NAV2: variants seen among roughly 807,000 people sequenced by gnomAD.
The protein encoded by NAV2 is neuron navigator 2.
A neutral mutation model predicts 223.2 loss-of-function variants in NAV2; 54 were observed. The ratio of observed to expected loss-of-function variants is 0.24; its 90% CI spans 0.19 to 0.30. The LOEUF (loss-of-function observed/expected upper bound fraction) is 0.30, where lower values mean the gene tolerates loss of function less well. Among genes scored for constraint, NAV2 ranks in the 10% least tolerant of loss-of-function variants. NAV2 has a pLI of 1.00. For synonymous variants in NAV2, 1,279 were observed against 1,239.3 expected, an observed-to-expected ratio of 1.03 and a Z score of -0.67; for missense variants, 2,806 against 3,147.5, an observed-to-expected ratio of 0.89 and a Z score of 2.60.
At chr11:19,928,833 G>T (rs577187365) in intron 6 of NAV2, among the ~76,000 whole-genome samples, 1 of 152,154 alleles carries the variant, frequency 6.6e-6, no homozygotes, top group Admixed American at 6.5e-5. Context: ...CTAGGATCAC[G>T]CCATGAGTTG....
chr11:19,632,295 T>C (rs922333988), intron 1 of NAV2, among the ~76,000 whole-genome samples: 1 of 152,254 alleles, frequency 6.6e-6, no homozygotes, highest in Non-Finnish European at 1.5e-5. Context: ...TCTCTGAGCC[T>C]TGGCTTCCTT....
intron 1 of NAV2, among the ~76,000 whole-genome samples, chr11:19,715,245 A>G (rs926634470): frequency 3.3e-5 from 5 of 152,152 alleles, no homozygotes; most frequent in African/African-American, 1.2e-4. Flanking sequence ...TGCACTTGCT[A>G]AACATTTTTG....
At position 19,679,430 on chromosome 11, in the gene NAV2, C is replaced by CAAAA. The variant is rs56384242; in HGVS notation, c.76-153050_76-153047dup. Among the ~76,000 whole-genome samples the CAAAA allele has an allele frequency of 3.5e-5, 4 of 114,122 alleles. 1 individual carries two copies. The highest frequency in any genetic ancestry group is 7.6e-5 in the Non-Finnish European group (4 of 52,348). 74.9% of individuals were successfully genotyped at this position (114,122 alleles called of 152,430 possible). A position where few individuals can be genotyped will look rare whatever the true frequency, so the allele number is the denominator to read the frequency against. On this transcript the variant is annotated intron_variant, in intron 1 of 37. Coordinates refer to the NAV2 transcript ENST00000360655. ...TGGGCAACAGAACGAGACTCTGTCT[C>CAAAA]AAAAAAACACAAAAAGATTTGGGGG...
chr11:20,110,902 T>C (rs2153719037), intron 36 of NAV2, among the ~76,000 whole-genome samples: 1 of 152,280 alleles, frequency 6.6e-6, no homozygotes, highest in African/African-American at 2.4e-5. Flanking sequence ...GAATGGGTTC[T>C]GACAGGGCTA....
chr11:19,497,461 C>T (rs2042832464), intron 1 of NAV2, among the ~76,000 whole-genome samples: 1 of 152,148 alleles, frequency 6.6e-6, no homozygotes, highest in African/African-American at 2.4e-5. Flanking sequence ...GAGTGGGAGT[C>T]TTTAGAATGT....
rs1555152341 is a variant in NAV2 at position 19,931,609 on chromosome 11, A to AG, written c.932-1566dup. ...ACATAGGTATTTAAAAAAAAAAAAA[A>AG]GCAGAAGAAGCAGCCGTTAATCCCG... is the stretch of plus-strand genomic sequence containing the variant. On this transcript the variant is annotated intron_variant, in intron 6 of 37. Transcript: ENST00000349880. 2.3e-4 allele frequency among the ~76,000 whole-genome samples: 31 copies of AG among 137,306 alleles called. 1 individual carries two copies. Among genetic ancestry groups the AG allele is most frequent in the African/African-American group, 6.3e-4 (24 of 38,348 alleles). 90.1% of individuals were successfully genotyped at this position (137,306 alleles called of 152,430 possible). A position where few individuals can be genotyped will look rare whatever the true frequency, so the allele number is the denominator to read the frequency against.
rs557725805 is a variant in NAV2 at position 19,509,484 on chromosome 11, T to C, written c.75+158457T>C. Among the ~76,000 whole-genome samples the C allele has an allele frequency of 2.0e-5, 3 of 152,276 alleles. No homozygotes were observed. The East Asian group carries it at 5.8e-4, about 29-fold the overall frequency. ...CTTGCTCAGCTTTTACTGCATTCCATAGAAAGGATTATAAAGGGATTAGAT... is the reference window on the plus strand; with the variant it reads ...CTTGCTCAGCTTTTACTGCATTCCACAGAAAGGATTATAAAGGGATTAGAT... On this transcript the variant is annotated intron_variant, in intron 1 of 37. Transcript: ENST00000360655.
At chr11:19,859,925 A>G (rs961288418) in intron 3 of NAV2, among the ~76,000 whole-genome samples, 1 of 118,628 alleles carries the variant, frequency 8.4e-6, no homozygotes, top group Non-Finnish European at 1.8e-5. Flanking sequence ...GGGGCTCCTC[A>G]CTTCCCAGTA....
intron 1 of NAV2, among the ~76,000 whole-genome samples, chr11:19,372,851 GGAAA>G (rs1184374310): frequency 2.6e-5 from 4 of 152,184 alleles, no homozygotes; most frequent in African/African-American, 9.7e-5. Flanking sequence ...GGAGTTTCTA[GGAAA>G]GATTCATTTT....
Position 19,713,908 on chromosome 11 carries a change from G to A in NAV2, c.213G>A (p.Gly71=), listed in dbSNP as rs1255573580. 2 of 1,613,648 alleles carry A rather than the reference G, an allele frequency of 1.2e-6. No individual in the cohort carries two copies. The change falls in exon 1 of 38, where the codon GGG becomes GGA. Residue 71 remains glycine (G), a synonymous_variant. Coordinates refer to ENST00000349880, the MANE Select transcript of NAV2 (RefSeq NM_145117.5). The surrounding 1 kb of genome is among the most constrained non-coding windows in gnomAD (Gnocchi z 7.2). ...QVLQGLQEPA[G]EGLPLRKSGS... Reference sequence around the variant, plus strand: ...TGCAGGGGCTGCAGGAGCCAGCGGGGGAGGGGCTCCCGCTGCGGAAGAGCG... The same window carrying A: ...TGCAGGGGCTGCAGGAGCCAGCGGGAGAGGGGCTCCCGCTGCGGAAGAGCG...
intron 1 of NAV2, among the ~76,000 whole-genome samples, chr11:19,514,053 G>T (rs570390777): frequency 2.0e-5 from 3 of 152,238 alleles, no homozygotes; most frequent in Non-Finnish European, 4.4e-5. Context: ...GGCAGCCCCA[G>T]GAGACTAATA....
chr11:20,000,743 G>A (rs1427736460), intron 11 of NAV2, among the ~76,000 whole-genome samples: 1 of 152,168 alleles, frequency 6.6e-6, no homozygotes, highest in African/African-American at 2.4e-5. Context: ...AGCCTCTCTG[G>A]TGCCACAGAG....
chr11:19,349,466 TCAGGA>T (rs1445460616), upstream of NAV2, among the ~76,000 whole-genome samples: 1 of 152,130 alleles, frequency 6.6e-6, no homozygotes, highest in Non-Finnish European at 1.5e-5. Context: ...TAGCCACCAG[TCAGGA>T]CAGCTGCAAG....
intron 1 of NAV2, among the ~76,000 whole-genome samples, chr11:19,430,705 A>G (rs1851008604): frequency 6.9e-6 from 1 of 144,808 alleles, no homozygotes; most frequent in Admixed American, 6.8e-5. Flanking sequence ...CATCCAGTTA[A>G]GAAGATATGA....
intron 1 of NAV2, among the ~76,000 whole-genome samples, chr11:19,366,575 G>A (rs1278198591): frequency 6.6e-6 from 1 of 152,146 alleles, no homozygotes; most frequent in Non-Finnish European, 1.5e-5. Context: ...TGGATCAGAG[G>A]CAGAGAGTGA....
intron 1 of NAV2, among the ~76,000 whole-genome samples, chr11:19,521,834 C>T (rs1290196416): frequency 6.6e-6 from 1 of 152,180 alleles, no homozygotes; most frequent in Non-Finnish European, 1.5e-5. Context: ...CTCTGCATGG[C>T]TCTGGACCCT....
chr11:19,814,508 A>T (rs1215564795), intron 1 of NAV2, among the ~76,000 whole-genome samples: 1 of 152,184 alleles, frequency 6.6e-6, no homozygotes, highest in East Asian at 1.9e-4. Context: ...AAAAGGCAAG[A>T]TGCATTTTTA....
At chr11:19,822,087 G>A (rs775430208) in intron 1 of NAV2, among the ~76,000 whole-genome samples, 14 of 152,190 alleles carry the variant, frequency 9.2e-5, no homozygotes, top group Non-Finnish European at 1.2e-4. Context: ...AAGTGTTCAC[G>A]TTGCATGGCA....
intron 6 of NAV2, among the ~76,000 whole-genome samples, chr11:19,929,109 T>A (rs2045074087): frequency 6.6e-6 from 1 of 151,816 alleles, no homozygotes; most frequent in Admixed American, 6.6e-5. Context: ...CACACACACA[T>A]ACACAAAAAT....
Sources: allele counts gnomAD v4.1 joint callset (sites outside exome capture counted in the v4.1 genomes callset), GRCh38; gene constraint gnomAD v4.1.1; non-coding constraint Gnocchi (gnomAD v3.1); transcripts MANE v1.5; gene names NCBI Gene and HGNC (gene_info 2026-07-23, HGNC 2026-07-21).